Variants in FMN1 observed in about 807,000 individuals in gnomAD.
FMN1 encodes formin 1.
FMN1 carries 110 observed loss-of-function variants against 132.4 expected under a neutral mutation model. The observed-to-expected ratio is 0.83, with a 90% confidence interval of 0.71 to 0.97. The LOEUF (loss-of-function observed/expected upper bound fraction) is 0.97, where lower values mean the gene tolerates loss of function less well. Among genes scored for constraint, FMN1 ranks in the 50% least tolerant of loss-of-function variants. The pLI, the probability that FMN1 is intolerant of heterozygous loss-of-function variation, is 0.00. For missense variants in FMN1, 1,792 were observed against 1,705.3 expected, an observed-to-expected ratio of 1.05 and a Z score of -0.90; for synonymous variants, 722 against 651.7, an observed-to-expected ratio of 1.11 and a Z score of -1.64.
intron 6 of FMN1, chr15:33,063,863 C>T (rs1176006464): frequency 1.3e-5 from 2 of 152,160 alleles, no homozygotes; most frequent in East Asian, 3.8e-4. Flanking sequence ...CATTCTTACA[C>T]AATTATGATT....
intron 6 of FMN1, among the ~76,000 whole-genome samples, chr15:33,025,709 A>C (rs345865): frequency 6.6e-6 from 1 of 152,090 alleles, no homozygotes; most frequent in African/African-American, 2.4e-5. Flanking sequence ...ATACTAATGG[A>C]GAAAACCTAT....
chr15:33,018,394 C>T (rs958781788), intron 6 of FMN1, among the ~76,000 whole-genome samples: 1 of 152,048 alleles, frequency 6.6e-6, no homozygotes, highest in African/African-American at 2.4e-5. Flanking sequence ...GTTCCACCTC[C>T]CAACCTATGG....
intron 6 of FMN1, among the ~76,000 whole-genome samples, chr15:33,041,469 T>TAAA (rs139935085): frequency 0.084 from 10,418 of 123,376 alleles, 934 homozygotes; most frequent in Admixed American, 0.18. Flanking sequence ...TCCTCACCAG[T>TAAA]AAACAAAAAA....
At chr15:33,053,915 C>G (rs776160370) in intron 6 of FMN1, among the ~76,000 whole-genome samples, 4 of 152,004 alleles carry the variant, frequency 2.6e-5, no homozygotes, top group Non-Finnish European at 4.4e-5. Context: ...TCTTTTCTTT[C>G]TTTCGGAGTT....
chr15:33,010,644 A>T (rs1408356491), intron 6 of FMN1, among the ~76,000 whole-genome samples: 1 of 152,172 alleles, frequency 6.6e-6, no homozygotes, highest in Non-Finnish European at 1.5e-5. Context: ...AGAAAAAGGA[A>T]GGTATTATTC....
chr15:32,885,134 T>G (rs2059864997), intron 16 of FMN1, among the ~76,000 whole-genome samples: 1 of 152,236 alleles, frequency 6.6e-6, no homozygotes, highest in African/African-American at 2.4e-5. Context: ...ACTCAAAGCC[T>G]GATCTTAGTC....
At chr15:32,789,364 A>G (rs562297847) in intron 19 of FMN1, among the ~76,000 whole-genome samples, 1 of 152,216 alleles carries the variant, frequency 6.6e-6, no homozygotes, top group Non-Finnish European at 1.5e-5. Flanking sequence ...TGTGATCAAT[A>G]AATTTTTCCA....
At chr15:33,019,035 G>C (rs1024288406) in intron 6 of FMN1, among the ~76,000 whole-genome samples, 10 of 152,302 alleles carry the variant, frequency 6.6e-5, no homozygotes, top group Admixed American at 2.0e-4. Context: ...ATGCGGAAGA[G>C]GACCTGAGCG....
intron 7 of FMN1, among the ~76,000 whole-genome samples, chr15:32,986,039 C>T (rs1053693182): frequency 3.9e-5 from 6 of 152,046 alleles, no homozygotes; most frequent in Admixed American, 2.0e-4. Context: ...TGAAAATACG[C>T]TGAGCAACAA....
chr15:33,007,737 G>A (rs892407876), intron 7 of FMN1, among the ~76,000 whole-genome samples: 2 of 152,138 alleles, frequency 1.3e-5, no homozygotes, highest in African/African-American at 4.8e-5. Flanking sequence ...AACAGCAGAA[G>A]TCTATTCCAT....
At chr15:33,147,935 G>GA (rs894606804) in intron 4 of FMN1, among the ~76,000 whole-genome samples, 42 of 147,794 alleles carry the variant, frequency 2.8e-4, no homozygotes, top group African/African-American at 7.2e-4. Context: ...GTTGTTTTTT[G>GA]AAAAAAAAAA....
intron 4 of FMN1, among the ~76,000 whole-genome samples, chr15:33,127,881 CTT>C (rs1340086834): frequency 6.6e-6 from 1 of 152,124 alleles, no homozygotes; most frequent in Non-Finnish European, 1.5e-5. Context: ...TCCGAGGAAT[CTT>C]ATGCCTCTCT....
At chr15:33,169,279 G>C (rs1965224207) in intron 3 of FMN1, among the ~76,000 whole-genome samples, 1 of 152,176 alleles carries the variant, frequency 6.6e-6, no homozygotes, top group African/African-American at 2.4e-5. Flanking sequence ...TAGATAACTT[G>C]CTATAGCGGC....
At chr15:33,006,756 A>C (rs1256013043) in intron 7 of FMN1, among the ~76,000 whole-genome samples, 3 of 152,210 alleles carry the variant, frequency 2.0e-5, no homozygotes, top group Non-Finnish European at 4.4e-5. Context: ...GGATGAACCT[A>C]GAGAACATTA....
intron 16 of FMN1, among the ~76,000 whole-genome samples, chr15:32,876,614 C>A (rs2059642703): frequency 6.6e-6 from 1 of 152,028 alleles, no homozygotes; most frequent in Non-Finnish European, 1.5e-5. Context: ...AAAATTATTC[C>A]AAAATAAAAA....
intron 2 of FMN1, among the ~76,000 whole-genome samples, chr15:33,191,417 A>G (rs1966075522): frequency 6.6e-6 from 1 of 152,206 alleles, no homozygotes; most frequent in South Asian, 2.1e-4. Flanking sequence ...TCTGCTTCCT[A>G]GAGAGATGCA....
intron 13 of FMN1, among the ~76,000 whole-genome samples, chr15:32,900,595 C>T (rs1323603394): frequency 6.6e-6 from 1 of 151,804 alleles, no homozygotes; most frequent in African/African-American, 2.4e-5. Context: ...CTTCTTTATC[C>T]CCGGATATAA....
At chr15:32,813,885 C>A (rs1267685221) in intron 17 of FMN1, among the ~76,000 whole-genome samples, 1 of 152,106 alleles carries the variant, frequency 6.6e-6, no homozygotes, top group South Asian at 2.1e-4. Flanking sequence ...CTACATTTTC[C>A]AACGCTCCCT....
chr15:32,780,890 A>G (rs2056641521), intron 19 of FMN1, among the ~76,000 whole-genome samples: 1 of 152,186 alleles, frequency 6.6e-6, no homozygotes, highest in Non-Finnish European at 1.5e-5. Flanking sequence ...GAACCCATAC[A>G]TACAGACATC....
Sources: gnomAD v4.1 joint callset for allele counts (sites outside exome capture counted in the v4.1 genomes callset) on GRCh38, gnomAD v4.1.1 for gene constraint, MANE v1.5 for transcripts, NCBI Gene and HGNC (gene_info 2026-07-23, HGNC 2026-07-21) for gene names.